The following ATXN8OS variants were observed in gnomAD, a reference collection of about 807,000 sequenced individuals.
ATXN8OS encodes ATXN8 opposite strand lncRNA.
chr13:70,112,920 A>ATATTTT (rs1555298511), intron 1 of ATXN8OS, among the ~76,000 whole-genome samples: 9 of 87,570 alleles, frequency 1.0e-4, no homozygotes, highest in East Asian at 4.1e-4. Context: ...TATATATATA[A>ATATTTT]TTTTTTTTTT....
intron 2 of ATXN8OS, chr13:70,115,444 A>G (rs1381780458): frequency 2.5e-6 from 1 of 394,668 alleles, no homozygotes; most frequent in East Asian, 3.6e-5. Flanking sequence ...AGTTCAGACC[A>G]CAGCAGTGTG....
chr13:70,111,391 T>G (rs1888196990), intron 1 of ATXN8OS, among the ~76,000 whole-genome samples: 3 of 152,326 alleles, frequency 2.0e-5, no homozygotes, highest in Admixed American at 6.5e-5. Context: ...GGTGAAGGTC[T>G]TCTTCCTGGT....
chr13:70,147,974 G>A (rs1888810085), intron 4 of ATXN8OS, among the ~76,000 whole-genome samples: 1 of 152,098 alleles, frequency 6.6e-6, no homozygotes, highest in Non-Finnish European at 1.5e-5. Context: ...GGTCATAGAT[G>A]GATTCAGATT....
upstream of ATXN8OS, chr13:70,107,749 G>A (rs754317021): frequency 2.9e-6 from 4 of 1,397,484 alleles, no homozygotes; most frequent in East Asian, 7.1e-5. Flanking sequence ...GGAGTAGGCT[G>A]GTCAGCAGGT....
At chr13:70,135,060 C>T (rs940479370) in intron 3 of ATXN8OS, among the ~76,000 whole-genome samples, 2 of 152,176 alleles carry the variant, frequency 1.3e-5, no homozygotes, top group Non-Finnish European at 2.9e-5. Context: ...GACTACCTAG[C>T]CCAACAATCA....
At chr13:70,141,478 A>G (rs1446799897) in intron 3 of ATXN8OS, among the ~76,000 whole-genome samples, 2 of 152,172 alleles carry the variant, frequency 1.3e-5, no homozygotes, top group East Asian at 3.9e-4. Context: ...TCATTATTTT[A>G]TGTGTATGGA....
chr13:70,156,639 ATATTAT>A (rs1296301946), intron 4 of ATXN8OS, among the ~76,000 whole-genome samples: 3 of 152,122 alleles, frequency 2.0e-5, no homozygotes, highest in African/African-American at 7.2e-5. Context: ...AGTGAAATAA[ATATTAT>A]TAGTATTCTG....
chr13:70,149,453 T>C (rs1888835993), intron 4 of ATXN8OS, among the ~76,000 whole-genome samples: 1 of 152,154 alleles, frequency 6.6e-6, no homozygotes. Context: ...AGTGAGGTGT[T>C]AACAGAAATT....
At chr13:70,154,081 C>T (rs1483500226) in intron 4 of ATXN8OS, among the ~76,000 whole-genome samples, 1 of 152,110 alleles carries the variant, frequency 6.6e-6, no homozygotes, top group Admixed American at 6.5e-5. Context: ...ATGTGACATC[C>T]TAGGCATTAC....
intron 3 of ATXN8OS, among the ~76,000 whole-genome samples, chr13:70,140,284 A>G (rs1888692607): frequency 6.6e-6 from 1 of 152,096 alleles, no homozygotes; most frequent in Admixed American, 6.6e-5. Flanking sequence ...GTATTTTCTG[A>G]CCATCTTAAA....
At chr13:70,136,546 TAC>T (rs1320570349) in intron 3 of ATXN8OS, among the ~76,000 whole-genome samples, 1 of 152,062 alleles carries the variant, frequency 6.6e-6, no homozygotes, top group Non-Finnish European at 1.5e-5. Context: ...AGCTAAATCT[TAC>T]AGTCTTTCCA....
At chr13:70,165,311 A>C (rs2137507159) in intron 4 of ATXN8OS, among the ~76,000 whole-genome samples, 1 of 152,058 alleles carries the variant, frequency 6.6e-6, no homozygotes, top group Middle Eastern at 3.4e-3. Flanking sequence ...CTAGGAGAAG[A>C]AATAGTGATG....
rs563415877 is a variant in ATXN8OS, at chr13:70,130,927, A to G, written n.499+1043A>G. 5.8e-5 allele frequency: 23 copies of G among 398,510 alleles called. 1 individual carries two copies. In the South Asian group the frequency reaches 2.9e-3, roughly 51 times the overall value. 24.7% of individuals were successfully genotyped at this position (398,510 alleles called of 1,614,324 possible). A position where few individuals can be genotyped will look rare whatever the true frequency, so the allele number is the denominator to read the frequency against. On this transcript the variant is annotated intron_variant and non_coding_transcript_variant, in intron 3 of 4. Coordinates refer to ENST00000678624, the Ensembl canonical transcript of ATXN8OS. ...TATAGATAAATCTCTCATGTTAACT[A>G]TGGAAAAAATAAAGGAAGATGACGT...
chr13:70,136,084 G>T (rs544351049), intron 3 of ATXN8OS, among the ~76,000 whole-genome samples: 139 of 152,306 alleles, frequency 9.1e-4, no homozygotes, highest in Non-Finnish European at 1.7e-3. Flanking sequence ...GCTACAGGTA[G>T]GTGTCTGACT....
chr13:70,135,568 T>C (rs1358326771), intron 3 of ATXN8OS, among the ~76,000 whole-genome samples: 1 of 152,174 alleles, frequency 6.6e-6, no homozygotes, highest in African/African-American at 2.4e-5. Flanking sequence ...GGACTCATGA[T>C]TCTGCTTCCT....
intron 1 of ATXN8OS, among the ~76,000 whole-genome samples, chr13:70,114,059 G>T (rs1402170692): frequency 6.6e-6 from 1 of 152,086 alleles, no homozygotes; most frequent in Non-Finnish European, 1.5e-5. Flanking sequence ...TCAGAGTATT[G>T]GGAAGATTAT....
chr13:70,126,394 G>T lies in ATXN8OS; in HGVS notation n.399-3390G>T, dbSNP rs1221425810. ...GAATTCATGGTAGGATATGAGGTGG[G>T]TAAGGTGCTTAATCTGACTGATAGA... is the stretch of plus-strand genomic sequence containing the variant. On this transcript the variant is annotated intron_variant and non_coding_transcript_variant, in intron 2 of 4. Coordinates refer to ENST00000678624, the Ensembl canonical transcript of ATXN8OS. 2.0e-5 allele frequency among the ~76,000 whole-genome samples: 3 copies of T among 152,186 alleles called. No individual in the cohort carries two copies. The East Asian group carries it at 5.8e-4, about 29-fold the overall frequency.
At chr13:70,166,719 A>G (rs893881703) in intron 4 of ATXN8OS, among the ~76,000 whole-genome samples, 2 of 152,162 alleles carry the variant, frequency 1.3e-5, no homozygotes, top group African/African-American at 4.8e-5. Flanking sequence ...AACTACCATC[A>G]GAGTGAAAAG....
At chr13:70,155,617 G>A (rs1888926486) in intron 4 of ATXN8OS, among the ~76,000 whole-genome samples, 2 of 152,076 alleles carry the variant, frequency 1.3e-5, no homozygotes, top group Admixed American at 6.6e-5. Context: ...GAAGATCAAG[G>A]CCAGAATTCT....
Sources: gnomAD v4.1 joint callset for allele counts (sites outside exome capture counted in the v4.1 genomes callset) on GRCh38, gnomAD v4.1.1 for gene constraint, MANE v1.5 for transcripts, NCBI Gene and HGNC (gene_info 2026-07-23, HGNC 2026-07-21) for gene names.